CAST: variants seen among roughly 807,000 people sequenced by gnomAD.
The protein encoded by CAST is calpastatin.
CAST carries 76 observed loss-of-function variants against 119.6 expected under a neutral mutation model. The ratio of observed to expected loss-of-function variants is 0.64; its 90% CI spans 0.53 to 0.77. The LOEUF (loss-of-function observed/expected upper bound fraction) is 0.77, where lower values mean the gene tolerates loss of function less well. Ranked by LOEUF, CAST falls within the 30% of genes least tolerant of loss-of-function variation. CAST has a pLI of 0.00. For synonymous variants in CAST, 319 were observed against 331.6 expected (o/e 0.96, Z 0.41); for missense variants, 953 against 946.5 (o/e 1.01, Z -0.09).
chr5:96,523,042 G>A (rs373112425), upstream of CAST, among the ~76,000 whole-genome samples: 1 of 152,234 alleles, frequency 6.6e-6, no homozygotes, highest in East Asian at 1.9e-4. Context: ...GCCTGCTGCT[G>A]AAGAGGAATG....
At chr5:96,209,746 C>G in the CAST span, among the ~76,000 whole-genome samples, 1 of 146,152 alleles carries the variant, frequency 6.8e-6, no homozygotes, top group Non-Finnish European at 1.5e-5. Flanking sequence ...CCTTCCCCTT[C>G]TATCTTCCTT....
At chr5:96,210,518 TG>T in the CAST span, among the ~76,000 whole-genome samples, 1 of 152,072 alleles carries the variant, frequency 6.6e-6, no homozygotes, top group South Asian at 2.1e-4. Flanking sequence ...GCTCTATTTC[TG>T]GGTTTTCTGT....
the CAST span, among the ~76,000 whole-genome samples, chr5:96,172,736 T>G: frequency 6.6e-6 from 1 of 152,140 alleles, no homozygotes. Context: ...AAACAGAAAA[T>G]AAATTTATTG....
chr5:96,161,472 A>G, the CAST span, among the ~76,000 whole-genome samples: 3 of 152,180 alleles, frequency 2.0e-5, no homozygotes, highest in African/African-American at 4.8e-5. Context: ...TGAATCCTCA[A>G]TTCTATTCTG....
the CAST span, among the ~76,000 whole-genome samples, chr5:95,986,045 A>T: frequency 4.6e-5 from 7 of 152,156 alleles, no homozygotes; most frequent in Non-Finnish European, 1.0e-4. Flanking sequence ...TGTTTTTCCT[A>T]CTTTTGCAAG....
chr5:96,179,305 C>G, the CAST span, among the ~76,000 whole-genome samples: 9 of 152,182 alleles, frequency 5.9e-5, no homozygotes, highest in African/African-American at 2.2e-4. Flanking sequence ...CTGTCCTACC[C>G]TTGCTTCATC....
chr5:96,324,710 G>T, the CAST span, among the ~76,000 whole-genome samples: 1 of 152,106 alleles, frequency 6.6e-6, no homozygotes, highest in Non-Finnish European at 1.5e-5. Context: ...AAATGGTCAA[G>T]CTTTTATATA....
At chr5:96,566,472 C>T (rs975466854) in intron 1 of CAST, among the ~76,000 whole-genome samples, 1 of 152,322 alleles carries the variant, frequency 6.6e-6, no homozygotes, top group South Asian at 2.1e-4. Context: ...AAGTGGTTCT[C>T]TCCCTTCTTC....
At chr5:96,178,987 C>T in the CAST span, among the ~76,000 whole-genome samples, 2 of 152,200 alleles carry the variant, frequency 1.3e-5, no homozygotes, top group Non-Finnish European at 2.9e-5. Context: ...TAGGGGTTCC[C>T]TCTTGACTCT....
At chr5:96,447,931 G>A in the CAST span, among the ~76,000 whole-genome samples, 10 of 151,810 alleles carry the variant, frequency 6.6e-5, no homozygotes, top group Non-Finnish European at 1.3e-4. Context: ...AACCTGCCCT[G>A]CTAGAACAGC....
At chr5:96,504,936 T>G in the CAST span, among the ~76,000 whole-genome samples, 1 of 152,266 alleles carries the variant, frequency 6.6e-6, no homozygotes, top group Non-Finnish European at 1.5e-5. Context: ...ATGAGTATTT[T>G]GTTATTTTTT....
the CAST span, among the ~76,000 whole-genome samples, chr5:96,095,432 G>A: frequency 6.6e-6 from 1 of 151,384 alleles, no homozygotes; most frequent in Non-Finnish European, 1.5e-5. Context: ...AATTAGCCAG[G>A]TGCCTGTATT....
the CAST span, among the ~76,000 whole-genome samples, chr5:96,140,047 C>A: frequency 3.3e-5 from 5 of 152,316 alleles, no homozygotes; most frequent in South Asian, 6.2e-4. Context: ...GTTCAGCACA[C>A]ACAGTTGGCT....
At chr5:96,440,558 T>C in the CAST span, among the ~76,000 whole-genome samples, 1 of 151,690 alleles carries the variant, frequency 6.6e-6, no homozygotes, top group African/African-American at 2.4e-5. Context: ...GGGAAAGTGA[T>C]GGACTTGTGG....
chr5:96,392,964 A>C, the CAST span: 1 of 1,609,566 alleles, frequency 6.2e-7, no homozygotes, highest in Admixed American at 1.7e-5. Flanking sequence ...GTAAGGAAGA[A>C]GCATGAATAT....
At chr5:96,171,203 A>G in the CAST span, among the ~76,000 whole-genome samples, 1 of 152,210 alleles carries the variant, frequency 6.6e-6, no homozygotes, top group South Asian at 2.1e-4. Context: ...TGTAGGATGG[A>G]GAAATCGAAA....
the CAST span, among the ~76,000 whole-genome samples, chr5:96,466,958 C>A: frequency 6.6e-6 from 1 of 152,100 alleles, no homozygotes; most frequent in Non-Finnish European, 1.5e-5. Context: ...TTTGCACCAA[C>A]AATTTATAAT....
At chr5:96,266,435 G>T in the CAST span, among the ~76,000 whole-genome samples, 2 of 152,076 alleles carry the variant, frequency 1.3e-5, no homozygotes, top group Admixed American at 6.6e-5. Context: ...CAAAGGGGAG[G>T]GGGGCACTAG....
the CAST span, among the ~76,000 whole-genome samples, chr5:96,020,500 C>T: frequency 4.6e-5 from 7 of 152,166 alleles, no homozygotes; most frequent in African/African-American, 9.7e-5. Context: ...TGCTCCCCAT[C>T]GCTCACATTA....
Sources: allele counts gnomAD v4.1 joint callset (sites outside exome capture counted in the v4.1 genomes callset), GRCh38; gene constraint gnomAD v4.1.1; transcripts MANE v1.5; gene names NCBI Gene and HGNC (gene_info 2026-07-23, HGNC 2026-07-21).